Variants in PHF20 observed in about 807,000 individuals in gnomAD.
The protein encoded by PHF20 is glioma-expressed antigen 2.
A neutral mutation model predicts 113.5 loss-of-function variants in PHF20; 23 were observed. The observed-to-expected ratio is 0.20, with a 90% CI of 0.15 to 0.29. The LOEUF (loss-of-function observed/expected upper bound fraction) is 0.29. PHF20 is among the 10% of genes least tolerant of loss of function. The pLI, the probability that PHF20 is intolerant of heterozygous loss-of-function variation, is 1.00. For synonymous variants in PHF20, 434 were observed against 457.3 expected (o/e 0.95, Z 0.65); for missense variants, 943 against 1,219.6 (o/e 0.77, Z 3.38).
At chr20:35,945,224 T>G (rs1411705428) in intron 17 of PHF20, among the ~76,000 whole-genome samples, 1 of 152,154 alleles carries the variant, frequency 6.6e-6, no homozygotes, top group Non-Finnish European at 1.5e-5. Flanking sequence ...CTGTGTTTGT[T>G]GCAGGCTTGC....
intron 2 of PHF20, among the ~76,000 whole-genome samples, chr20:35,820,171 A>G (rs925877076): frequency 6.6e-6 from 1 of 152,102 alleles, no homozygotes; most frequent in African/African-American, 2.4e-5. Flanking sequence ...TTATGAGGAG[A>G]TATTTACTCT....
chr20:35,949,675 C>T lies in PHF20; in HGVS notation c.*2048C>T, dbSNP rs1049915256. Reference sequence around the variant, plus strand: ...AAGCCATGTTGAGGGGCTCCATTCCCAATTCCTGGGTCAAGGTGAATTAAC... The same window carrying T: ...AAGCCATGTTGAGGGGCTCCATTCCTAATTCCTGGGTCAAGGTGAATTAAC... On this transcript the variant is annotated 3_prime_UTR_variant, in exon 18 of 18. Coordinates refer to ENST00000374012, the MANE Select transcript of PHF20 (RefSeq NM_016436.5). 5 of 152,658 alleles carry T rather than the reference C, an allele frequency of 3.3e-5. No homozygotes were observed. Among genetic ancestry groups the T allele is most frequent in the African/African-American group, 1.2e-4 (5 of 41,440 alleles). 9.5% of individuals were successfully genotyped at this position (152,658 alleles called of 1,614,324 possible).
At chr20:35,945,967 C>T (rs1025483561) in intron 17 of PHF20, among the ~76,000 whole-genome samples, 27 of 148,292 alleles carry the variant, frequency 1.8e-4, no homozygotes, top group Admixed American at 4.7e-4. Flanking sequence ...GTCAGGAGTT[C>T]GAGGCCAGCC....
intron 5 of PHF20, among the ~76,000 whole-genome samples, chr20:35,861,852 A>G (rs2146970215): frequency 6.6e-6 from 1 of 152,156 alleles, no homozygotes; most frequent in African/African-American, 2.4e-5. Context: ...TTAAACTTTT[A>G]TTTGTTGAGT....
At chr20:35,859,548 G>T (rs1303171553) in intron 5 of PHF20, among the ~76,000 whole-genome samples, 5 of 141,572 alleles carry the variant, frequency 3.5e-5, no homozygotes, top group Admixed American at 7.1e-5. Context: ...TTGGTTTTTG[G>T]TTTTTTTTTT....
chr20:35,871,779 C>G lies in PHF20; in HGVS notation c.1232C>G (p.Thr411Arg). 6.2e-7 allele frequency: 1 copy of G among 1,613,284 alleles called. No individual in the cohort carries two copies. Among genetic ancestry groups the G allele is most frequent in the Non-Finnish European group, 8.5e-7 (1 of 1,179,588 alleles). ...CPSMGENTMK[T>R]EPTSPLVELQ... is the part of the protein sequence containing the mutation. Reference sequence around the variant, plus strand: ...TCAATGGGAGAAAACACGATGAAAACAGAACCGACTTCTCCCCTTGTGGAA... The same window carrying G: ...TCAATGGGAGAAAACACGATGAAAAGAGAACCGACTTCTCCCCTTGTGGAA... Residue 411 changes from threonine (T) to arginine (R), a missense_variant, in exon 9 of 18, where the codon ACA becomes AGA. Physicochemically the swap from Thr to Arg is moderately conservative, Grantham distance 71 (BLOSUM62 -1). Transcript: ENST00000374012.
At chr20:35,773,502 CCT>C in intron 1 of PHF20, among the ~76,000 whole-genome samples, 1 of 152,030 alleles carries the variant, frequency 6.6e-6, no homozygotes, top group East Asian at 1.9e-4. Context: ...CAGAGTCACA[CCT>C]CCTGAATTCT....
chr20:35,792,842 T>C (rs551835313), intron 1 of PHF20, among the ~76,000 whole-genome samples: 4 of 152,304 alleles, frequency 2.6e-5, no homozygotes, highest in East Asian at 1.9e-4. Flanking sequence ...AGCTCACTTA[T>C]TCTTCACAAC....
intron 3 of PHF20, among the ~76,000 whole-genome samples, chr20:35,843,645 C>T (rs6088948): frequency 2.5e-3 from 387 of 151,946 alleles, no homozygotes; most frequent in Non-Finnish European, 4.6e-3. Context: ...TGCAGTGGTG[C>T]AATCATGGCT....
intron 4 of PHF20, among the ~76,000 whole-genome samples, chr20:35,857,910 C>T (rs2425177): frequency 0.018 from 2,793 of 152,246 alleles, 88 homozygotes; most frequent in African/African-American, 0.064. Context: ...TTACTGCCCC[C>T]GATCCCGGAA....
chr20:35,855,725 G>A (rs2042815016), intron 4 of PHF20, among the ~76,000 whole-genome samples: 1 of 151,988 alleles, frequency 6.6e-6, no homozygotes, highest in South Asian at 2.1e-4. Flanking sequence ...CCAGTCTGGA[G>A]TGCAGTGGTG....
At chr20:35,930,771 A>G (rs1303946446) in intron 14 of PHF20, among the ~76,000 whole-genome samples, 1 of 152,204 alleles carries the variant, frequency 6.6e-6, no homozygotes, top group African/African-American at 2.4e-5. Flanking sequence ...GGGATGCGCA[A>G]GTGAAGGTCT....
At chr20:35,813,365 A>G (rs2042011359) in intron 2 of PHF20, among the ~76,000 whole-genome samples, 1 of 152,218 alleles carries the variant, frequency 6.6e-6, no homozygotes, top group Non-Finnish European at 1.5e-5. Context: ...TTGTGCTAAA[A>G]TTATCCCAAA....
At chr20:35,813,119 C>T (rs561522003) in intron 2 of PHF20, among the ~76,000 whole-genome samples, 3 of 152,212 alleles carry the variant, frequency 2.0e-5, no homozygotes, top group Admixed American at 6.5e-5. Context: ...AGGCGCCCGC[C>T]ACCACGCCCG....
At chr20:35,823,687 A>G (rs971108531) in intron 2 of PHF20, among the ~76,000 whole-genome samples, 1 of 150,774 alleles carries the variant, frequency 6.6e-6, no homozygotes, top group African/African-American at 2.4e-5. Context: ...GATATAAAGC[A>G]CTTCTGTTAC....
chr20:35,879,539 A>C (rs2054588357), intron 9 of PHF20, among the ~76,000 whole-genome samples: 1 of 152,192 alleles, frequency 6.6e-6, no homozygotes, highest in Non-Finnish European at 1.5e-5. Flanking sequence ...AATTACCTAC[A>C]GTAGTTTTGA....
At chr20:35,777,666 A>G (rs1341458575) in intron 1 of PHF20, among the ~76,000 whole-genome samples, 1 of 152,128 alleles carries the variant, frequency 6.6e-6, no homozygotes, top group Non-Finnish European at 1.5e-5. Flanking sequence ...CCCCACCAAA[A>G]ACAAAAAAGT....
At chr20:35,927,699 C>G in intron 13 of PHF20, 81 bp from the exon 14 acceptor site, 7 of 1,042,786 alleles carry the variant, frequency 6.7e-6, no homozygotes, top group Non-Finnish European at 1.1e-5. Context: ...TCCCATGCCC[C>G]TCCCCTCAGC....
rs1332687183 is a variant in PHF20, at chr20:35,948,943, G to T, written c.*1316G>T. ...TGCTGCAAACATTTACTATGTAAAC[G>T]TGAAGTAGCCAATAATATCTCAATA... On this transcript the variant is annotated 3_prime_UTR_variant, in exon 18 of 18. Transcript: ENST00000374012. 1 of 152,612 alleles carries T rather than the reference G, an allele frequency of 6.6e-6. No homozygotes were observed. The highest frequency in any genetic ancestry group is 1.5e-5 in the Non-Finnish European group (1 of 68,032). The allele number at this position is 152,612 out of a possible 1,614,324, so 9.5% of individuals were successfully genotyped here. A position where few individuals can be genotyped will look rare whatever the true frequency, so the allele number is the denominator to read the frequency against.
Sources: gnomAD v4.1 joint callset for allele counts (sites outside exome capture counted in the v4.1 genomes callset) on GRCh38, gnomAD v4.1.1 for gene constraint, MANE v1.5 for transcripts, NCBI Gene and HGNC (gene_info 2026-07-23, HGNC 2026-07-21) for gene names.